BMP5: variants seen among roughly 807,000 people sequenced by gnomAD.
BMP5 encodes bone morphogenetic protein 5.
In BMP5, 23 loss-of-function variants were observed where a neutral mutation model predicts 46.6. The ratio of observed to expected loss-of-function variants is 0.49; its 90% confidence interval spans 0.35 to 0.70. The LOEUF (loss-of-function observed/expected upper bound fraction) is 0.70. Among genes scored for constraint, BMP5 ranks in the 30% least tolerant of loss-of-function variants. The pLI is 0.00. For synonymous variants in BMP5, 204 were observed against 191.9 expected, an observed-to-expected ratio of 1.06 and a Z score of -0.52; for missense variants, 545 against 565.6, an observed-to-expected ratio of 0.96 and a Z score of 0.37.
intron 1 of BMP5, among the ~76,000 whole-genome samples, chr6:55,869,195 C>T (rs1582134527): frequency 6.6e-6 from 1 of 152,278 alleles, no homozygotes; most frequent in South Asian, 2.1e-4. Context: ...TCCTTCCCCA[C>T]TTCGGTATTT....
At position 55,763,892 on chromosome 6, in the gene BMP5, G is replaced by A. The variant is rs571875194; in HGVS notation, c.1028-3359C>T. ...ATTGTATAAATTTAATCTTTAGTTC[G>A]ATTTTCTTTAGTTTGATTCTTTTTG... On this transcript the variant is annotated intron_variant, in intron 4 of 6. Coordinates refer to ENST00000370830, the MANE Select transcript of BMP5 (RefSeq NM_021073.4). Among the ~76,000 whole-genome samples, 4 of 151,998 alleles carry A rather than the reference G, an allele frequency of 2.6e-5. 1 individual carries two copies. The highest frequency in any genetic ancestry group is 1.9e-4 in the East Asian group (1 of 5,170).
intron 1 of BMP5, among the ~76,000 whole-genome samples, chr6:55,863,001 G>A (rs562110370): frequency 6.6e-6 from 1 of 152,276 alleles, no homozygotes; most frequent in African/African-American, 2.4e-5. Context: ...AAAAAATCCT[G>A]GCACAAGAAT....
chr6:55,758,139 T>A (rs1774661684), intron 6 of BMP5, among the ~76,000 whole-genome samples: 2 of 151,934 alleles, frequency 1.3e-5, no homozygotes, highest in Admixed American at 1.3e-4. Flanking sequence ...ATAATTCCAC[T>A]CCCATCAAGC....
chr6:55,779,897 A>G (rs986472963), intron 3 of BMP5, among the ~76,000 whole-genome samples: 25 of 151,996 alleles, frequency 1.6e-4, no homozygotes, highest in African/African-American at 6.0e-4. Context: ...AAAAATAAGG[A>G]AAAGTTGGGA....
intron 1 of BMP5, among the ~76,000 whole-genome samples, chr6:55,862,422 T>G (rs1383346573): frequency 6.6e-6 from 1 of 152,208 alleles, no homozygotes; most frequent in East Asian, 1.9e-4. Flanking sequence ...TAATTGTATC[T>G]CCATTGACTA....
At chr6:55,850,740 T>C (rs886457951) in intron 1 of BMP5, among the ~76,000 whole-genome samples, 3 of 152,208 alleles carry the variant, frequency 2.0e-5, no homozygotes, top group Non-Finnish European at 4.4e-5. Context: ...AATATTTATT[T>C]AGCATCAACT....
At chr6:55,798,836 C>T (rs1023912955) in intron 2 of BMP5, among the ~76,000 whole-genome samples, 1 of 151,952 alleles carries the variant, frequency 6.6e-6, no homozygotes, top group Non-Finnish European at 1.5e-5. Context: ...TGCATGAGTG[C>T]CTTTTATTTT....
intron 2 of BMP5, among the ~76,000 whole-genome samples, chr6:55,811,225 T>C (rs977380637): frequency 3.9e-5 from 6 of 152,126 alleles, no homozygotes; most frequent in African/African-American, 1.4e-4. Context: ...ATGATGTAAA[T>C]ATGAAGCTGA....
intron 2 of BMP5, among the ~76,000 whole-genome samples, chr6:55,804,430 A>G (rs1452712352): frequency 2.6e-5 from 4 of 152,200 alleles, no homozygotes; most frequent in African/African-American, 7.2e-5. Flanking sequence ...GGCCTTACCA[A>G]TTCCTTGATT....
At chr6:55,856,431 A>G (rs1301168931) in intron 1 of BMP5, among the ~76,000 whole-genome samples, 3 of 152,168 alleles carry the variant, frequency 2.0e-5, no homozygotes, top group Non-Finnish European at 2.9e-5. Flanking sequence ...GCATAAGTTT[A>G]ATGTTATCAA....
chr6:55,800,842 A>C (rs562863044), intron 2 of BMP5, among the ~76,000 whole-genome samples: 1 of 152,310 alleles, frequency 6.6e-6, no homozygotes, highest in African/African-American at 2.4e-5. Context: ...GGGGATCAGA[A>C]CCCAGTTTTC....
intron 4 of BMP5, among the ~76,000 whole-genome samples, chr6:55,767,900 G>T (rs974553367): frequency 1.2e-4 from 18 of 151,920 alleles, no homozygotes; most frequent in African/African-American, 4.1e-4. Flanking sequence ...GCTAAACATT[G>T]TTTATAAAAC....
chr6:55,784,431 T>C (rs1775398879), intron 3 of BMP5, among the ~76,000 whole-genome samples: 2 of 151,888 alleles, frequency 1.3e-5, no homozygotes, highest in Admixed American at 6.6e-5. Context: ...TATTCTATAA[T>C]CAATAACTAT....
At chr6:55,817,753 T>TAATAA (rs759721923) in intron 2 of BMP5, among the ~76,000 whole-genome samples, 8 of 151,774 alleles carry the variant, frequency 5.3e-5, no homozygotes, top group South Asian at 2.1e-4. Flanking sequence ...AGTATAATAA[T>TAATAA]AATAAAATAA....
intron 1 of BMP5, among the ~76,000 whole-genome samples, chr6:55,828,885 C>A (rs1252321139): frequency 6.6e-6 from 1 of 151,702 alleles, no homozygotes; most frequent in Non-Finnish European, 1.5e-5. Context: ...AGAGTTCACT[C>A]AAGTTCAATT....
chr6:55,766,742 G>A (rs528424667), intron 4 of BMP5, among the ~76,000 whole-genome samples: 1 of 151,832 alleles, frequency 6.6e-6, no homozygotes, highest in African/African-American at 2.4e-5. Context: ...TTATGATTTG[G>A]CCCCTTAATA....
At position 55,844,880 on chromosome 6, in the gene BMP5, T is replaced by G. The variant is rs1024088956; in HGVS notation, c.491-25033A>C. On this transcript the variant is annotated intron_variant, in intron 1 of 6. Coordinates refer to ENST00000370830, the MANE Select transcript of BMP5 (RefSeq NM_021073.4). ...ATGTTTTCCAAAAGACCTAAATGTT[T>G]AGCTAAAAATGTATATTTTGAAATA... Among the ~76,000 whole-genome samples the G allele has an allele frequency of 2.0e-5, 3 of 152,022 alleles. No individual in the cohort carries two copies. In the East Asian group the frequency reaches 5.8e-4, roughly 29 times the overall value.
At chr6:55,856,993 T>A (rs116211391) in intron 1 of BMP5, among the ~76,000 whole-genome samples, 1 of 152,154 alleles carries the variant, frequency 6.6e-6, no homozygotes, top group Non-Finnish European at 1.5e-5. Flanking sequence ...TTACTTTCCA[T>A]ATACAGAGTT....
chr6:55,875,247 T>A lies in BMP5; in HGVS notation c.-382A>T, dbSNP rs1313713827. ...GAATTAGCAAAAGTTGATCTTCTGA[T>A]AAACTGTAGTTCCCAAAGTAATCTT... On this transcript the variant is annotated 5_prime_UTR_variant, in exon 1 of 7. Coordinates refer to ENST00000370830, the MANE Select transcript of BMP5 (RefSeq NM_021073.4). 4.4e-6 allele frequency: 1 copy of A among 227,034 alleles called. No homozygotes were observed. The highest frequency in any genetic ancestry group is 8.8e-6 in the Non-Finnish European group (1 of 113,774). 14.1% of individuals were successfully genotyped at this position (227,034 alleles called of 1,614,324 possible). A position where few individuals can be genotyped will look rare whatever the true frequency, so the allele number is the denominator to read the frequency against.
Sources: allele counts gnomAD v4.1 joint callset (sites outside exome capture counted in the v4.1 genomes callset), GRCh38; gene constraint gnomAD v4.1.1; transcripts MANE v1.5; gene names NCBI Gene and HGNC (gene_info 2026-07-23, HGNC 2026-07-21).